Variants in WDPCP observed in about 807,000 individuals in gnomAD.
WDPCP encodes WD repeat containing planar cell polarity effector, also known as WD repeat-containing and planar cell polarity effector protein fritz homolog.
WDPCP carries 71 observed loss-of-function variants against 93.1 expected under a neutral mutation model. The observed-to-expected ratio is 0.76, with a 90% CI of 0.63 to 0.93. WDPCP has a LOEUF of 0.93. Among genes scored for constraint, WDPCP ranks in the 40% least tolerant of loss-of-function variants. The pLI is 0.00. For missense variants in WDPCP, 844 were observed against 887.4 expected (o/e 0.95, Z 0.62); for synonymous variants, 315 against 315.0 (o/e 1.00, Z 0.00).
chr2:63,707,392 G>C (rs1293013512), intron 2 of WDPCP, among the ~76,000 whole-genome samples: 1 of 152,006 alleles, frequency 6.6e-6, no homozygotes, highest in Non-Finnish European at 1.5e-5. Flanking sequence ...TTCCACCGCT[G>C]ATACCCTTTC....
chr2:63,519,504 T>C (rs1452912370), intron 1 of WDPCP, among the ~76,000 whole-genome samples: 1 of 152,180 alleles, frequency 6.6e-6, no homozygotes, highest in Non-Finnish European at 1.5e-5. Flanking sequence ...CCACCATTAG[T>C]GATCAGTAGT....
chr2:63,209,413 T>G (rs1055646880), intron 14 of WDPCP, among the ~76,000 whole-genome samples: 2 of 152,214 alleles, frequency 1.3e-5, no homozygotes, highest in African/African-American at 2.4e-5. Context: ...TAGTTGCTAC[T>G]GCCACTTACC....
chr2:63,604,044 T>C (rs1345828428), intron 3 of WDPCP, among the ~76,000 whole-genome samples: 2 of 152,204 alleles, frequency 1.3e-5, no homozygotes, highest in Non-Finnish European at 2.9e-5. Flanking sequence ...TTTCTGGAGT[T>C]ATAGCTAGAG....
At position 63,121,908 on chromosome 2, in the gene WDPCP, C is replaced by G. The variant is rs923797316; in HGVS notation, c.*98G>C. 5.7e-6 allele frequency: 9 copies of G among 1,579,678 alleles called. No individual in the cohort carries two copies. In the Admixed American group the frequency reaches 7.6e-5, roughly 13 times the overall value. On this transcript the variant is annotated 3_prime_UTR_variant, in exon 18 of 18. Transcript: ENST00000272321. The stretch of plus-strand genomic sequence containing the variant: ...TCTTAACTAATTTATATGATTCATA[C>G]TGTCTCTTGTTAAAAATCCACACGG...
At chr2:63,193,256 GTTT>G (rs1185850055) in intron 14 of WDPCP, among the ~76,000 whole-genome samples, 1 of 152,002 alleles carries the variant, frequency 6.6e-6, no homozygotes, top group African/African-American at 2.4e-5. Flanking sequence ...CATTTTAGGT[GTTT>G]TTTATTTTTT....
intron 1 of WDPCP, among the ~76,000 whole-genome samples, chr2:63,529,416 T>C (rs1351122749): frequency 6.6e-6 from 1 of 152,234 alleles, no homozygotes; most frequent in Non-Finnish European, 1.5e-5. Flanking sequence ...TCAGAGTTTT[T>C]AGCATGAAGC....
At chr2:63,602,600 C>A (rs180747666) in intron 3 of WDPCP, among the ~76,000 whole-genome samples, 1 of 152,024 alleles carries the variant, frequency 6.6e-6, no homozygotes, top group South Asian at 2.1e-4. Flanking sequence ...CATTTAATTA[C>A]AAGTGTAGAT....
chr2:63,249,146 G>A (rs535241299), intron 14 of WDPCP, among the ~76,000 whole-genome samples: 12 of 152,090 alleles, frequency 7.9e-5, no homozygotes, highest in South Asian at 4.2e-4. Context: ...CATCTTTCCC[G>A]GTCTTTGCAG....
chr2:63,395,572 T>G (rs771362181), intron 10 of WDPCP, among the ~76,000 whole-genome samples: 1 of 152,152 alleles, frequency 6.6e-6, no homozygotes, highest in African/African-American at 2.4e-5. Flanking sequence ...AAATATAATC[T>G]ATAATAATGG....
intron 12 of WDPCP, among the ~76,000 whole-genome samples, chr2:63,326,257 G>A (rs1687528779): frequency 6.6e-6 from 1 of 152,148 alleles, no homozygotes; most frequent in African/African-American, 2.4e-5. Flanking sequence ...GAGCATGACT[G>A]CCAACAAATT....
At chr2:63,588,519 A>T (rs1221260942), upstream of WDPCP, 2 of 607,260 alleles carry the variant, frequency 3.3e-6, no homozygotes, top group Non-Finnish European at 5.9e-6. Flanking sequence ...TTTTTAAAAG[A>T]TTTTGTTTCC....
At chr2:63,684,639 G>A (rs901748865) in intron 2 of WDPCP, 4 of 699,376 alleles carry the variant, frequency 5.7e-6, no homozygotes, top group East Asian at 3.0e-5. Flanking sequence ...AAGGCCTGAC[G>A]AGAGGTCAAG....
chr2:63,227,885 TACAAAGGA>T (rs1678430148), intron 14 of WDPCP, among the ~76,000 whole-genome samples: 1 of 152,098 alleles, frequency 6.6e-6, no homozygotes, highest in African/African-American at 2.4e-5. Context: ...ACACTGTATT[TACAAAGGA>T]ACAGAGTATA....
intron 2 of WDPCP, chr2:63,751,597 T>G (rs1381700655): frequency 2.2e-6 from 1 of 462,872 alleles, no homozygotes; most frequent in African/African-American, 2.0e-5. Context: ...GCCACCACTG[T>G]GCTTGGTTGA....
In WDPCP at chr2:63,800,460, C is replaced by A. The variant is rs981720008; in HGVS notation, n.308+13162G>T. On this transcript the variant is annotated intron_variant and non_coding_transcript_variant, in intron 2 of 4. Transcript: ENST00000467687. ...CCATGTTTCTATATTCCCACAGCAT[C>A]AAGCATAGTAAGGAGAGTTGTATTT... is the stretch of plus-strand genomic sequence containing the variant. 6.6e-5 allele frequency among the ~76,000 whole-genome samples: 10 copies of A among 152,194 alleles called. No homozygotes were observed. The East Asian group carries it at 1.9e-3, about 29-fold the overall frequency.
chr2:63,262,110 T>C (rs896985561), intron 13 of WDPCP, among the ~76,000 whole-genome samples: 3 of 152,214 alleles, frequency 2.0e-5, no homozygotes, highest in African/African-American at 7.2e-5. Context: ...TCTATGCTCT[T>C]AAGAATAGTC....
chr2:63,169,042 T>G (rs1296083296), intron 15 of WDPCP, among the ~76,000 whole-genome samples: 4 of 152,364 alleles, frequency 2.6e-5, no homozygotes, highest in Non-Finnish European at 5.9e-5. Context: ...GAGCTTATTC[T>G]ATCTTACTCT....
chr2:63,127,245 C>A (rs945711871), intron 17 of WDPCP, among the ~76,000 whole-genome samples: 4 of 151,620 alleles, frequency 2.6e-5, no homozygotes, highest in Non-Finnish European at 4.4e-5. Context: ...CCTCAGCCTC[C>A]CGAGTAGCTG....
chr2:63,216,401 A>C (rs569272409), intron 14 of WDPCP, among the ~76,000 whole-genome samples: 2 of 152,154 alleles, frequency 1.3e-5, no homozygotes, highest in Non-Finnish European at 2.9e-5. Context: ...GTTCATGTCC[A>C]TTCTAGGGAC....
Sources: gnomAD v4.1 joint callset for allele counts (sites outside exome capture counted in the v4.1 genomes callset) on GRCh38, gnomAD v4.1.1 for gene constraint, MANE v1.5 for transcripts, NCBI Gene and HGNC (gene_info 2026-07-23, HGNC 2026-07-21) for gene names.